Variants in DRC4 observed in about 807,000 individuals in gnomAD.
The protein encoded by DRC4 is GAS-11.
chr16:90,034,773 C>T, the DRC4 span, among the ~76,000 whole-genome samples: 2 of 151,468 alleles, frequency 1.3e-5, no homozygotes, highest in African/African-American at 4.8e-5. Flanking sequence ...TCCCGGGCTG[C>T]AGTGCAATGG....
the DRC4 span, among the ~76,000 whole-genome samples, chr16:90,041,953 C>G: frequency 6.6e-6 from 1 of 152,032 alleles, no homozygotes; most frequent in Non-Finnish European, 1.5e-5. Flanking sequence ...TGAGTTTTTT[C>G]TTGAGACGGT....
the DRC4 span, chr16:90,027,753 G>T: frequency 6.2e-7 from 1 of 1,601,246 alleles, no homozygotes; most frequent in Non-Finnish European, 8.6e-7. Flanking sequence ...CCCAGTCCCC[G>T]GGTGGGCGTG....
the DRC4 span, among the ~76,000 whole-genome samples, chr16:90,032,002 T>G: frequency 1.3e-5 from 2 of 151,890 alleles, 1 homozygote; most frequent in Middle Eastern, 6.8e-3. Context: ...TAGGTGCAAG[T>G]GACCAGGTGT....
chr16:90,022,593 G>A, the DRC4 span: 1 of 1,097,502 alleles, frequency 9.1e-7, no homozygotes, highest in Non-Finnish European at 1.2e-6. Context: ...CAGGGCCGCT[G>A]CCCGGCGGAG....
chr16:90,043,355 T>TG, the DRC4 span: 2 of 1,556,540 alleles, frequency 1.3e-6, no homozygotes, highest in Non-Finnish European at 1.7e-6. Context: ...GCTGCCCCCC[T>TG]GGGGGGCCAC....
chr16:90,037,169 C>A, the DRC4 span: 2 of 1,492,410 alleles, frequency 1.3e-6, no homozygotes, highest in African/African-American at 1.4e-5. Flanking sequence ...TCTCACCATG[C>A]AGGCCACAGC....
chr16:90,029,133 G>A, the DRC4 span: 1 of 1,331,994 alleles, frequency 7.5e-7, no homozygotes, highest in Non-Finnish European at 1.0e-6. Context: ...CAGTGGCCAT[G>A]GAGCCTACGG....
chr16:90,021,644 A>G, the DRC4 span, among the ~76,000 whole-genome samples: 1 of 151,966 alleles, frequency 6.6e-6, no homozygotes, highest in Admixed American at 6.6e-5. Flanking sequence ...AGGCAGGAGG[A>G]TCACTTGAGG....
chr16:90,024,170 G>T, the DRC4 span, among the ~76,000 whole-genome samples: 482 of 124,988 alleles, frequency 3.9e-3, 2 homozygotes, highest in African/African-American at 0.012. Flanking sequence ...AATTAGCCGG[G>T]TGTGGTGGTA....
chr16:90,024,158 A>ACACACACACACACACACAC, the DRC4 span, among the ~76,000 whole-genome samples: 6 of 151,254 alleles, frequency 4.0e-5, no homozygotes, highest in East Asian at 1.9e-4. Context: ...ACACACACAC[A>ACACACACACACACACACAC]AAATTAGCCG....
At chr16:90,029,189 T>C in the DRC4 span, 5,009 of 1,340,562 alleles carry the variant, frequency 3.7e-3, 168 homozygotes, top group African/African-American at 0.066. Flanking sequence ...GGGCAGGCTA[T>C]GGGGCAGCCT....
the DRC4 span, chr16:90,042,632 C>A: frequency 3.0e-6 from 3 of 992,442 alleles, no homozygotes; most frequent in Non-Finnish European, 4.7e-6. Context: ...GTGCCCACTT[C>A]GTACCTCGTT....
At chr16:90,032,920 G>A in the DRC4 span, 102 of 1,612,822 alleles carry the variant, frequency 6.3e-5, no homozygotes, top group Non-Finnish European at 8.1e-5. Flanking sequence ...AAGAACCTGC[G>A]GCTGGTAGGT....
chr16:90,029,677 G>C, the DRC4 span: 1 of 214,082 alleles, frequency 4.7e-6, no homozygotes, highest in Non-Finnish European at 1.0e-5. Flanking sequence ...GTCTTCTTTT[G>C]AGGTGAGAAA....
At chr16:90,031,331 G>A in the DRC4 span, 18 of 1,613,280 alleles carry the variant, frequency 1.1e-5, no homozygotes, top group Non-Finnish European at 1.5e-5. Context: ...TCCGGGAGGA[G>A]CTGGACCGCG....
chr16:90,040,279 C>T, the DRC4 span: 17 of 1,557,586 alleles, frequency 1.1e-5, no homozygotes, highest in East Asian at 2.4e-5. Context: ...TCATCGCCCA[C>T]CCCCAGCGCT....
chr16:90,034,455 C>A, the DRC4 span, among the ~76,000 whole-genome samples: 68 of 152,144 alleles, frequency 4.5e-4, no homozygotes, highest in Admixed American at 1.4e-3. Context: ...AACCCCGTCT[C>A]TACTAAAAAT....
At chr16:90,033,267 A>C in the DRC4 span, among the ~76,000 whole-genome samples, 6 of 152,308 alleles carry the variant, frequency 3.9e-5, no homozygotes, top group African/African-American at 9.6e-5. Flanking sequence ...CAAACCAACC[A>C]TTAAAATATC....
chr16:90,041,193 G>T, the DRC4 span, among the ~76,000 whole-genome samples: 1 of 152,366 alleles, frequency 6.6e-6, no homozygotes, highest in African/African-American at 2.4e-5. Flanking sequence ...TTGCAGCTGC[G>T]CCCACGCGCC....
Sources: gnomAD v4.1 joint callset for allele counts (sites outside exome capture counted in the v4.1 genomes callset) on GRCh38, gnomAD v4.1.1 for gene constraint, MANE v1.5 for transcripts, NCBI Gene and HGNC (gene_info 2026-07-23, HGNC 2026-07-21) for gene names.